The following GSG1L variants were observed in gnomAD, a reference collection of about 807,000 sequenced individuals.
The protein encoded by GSG1L is germ cell-specific gene 1-like protein.
A neutral mutation model predicts 42.1 loss-of-function variants in GSG1L; 24 were observed. The observed-to-expected ratio is 0.57, with a 90% CI of 0.41 to 0.80. The LOEUF is 0.80. GSG1L is among the 30% of genes least tolerant of loss of function. The pLI, the probability that GSG1L is intolerant of heterozygous loss-of-function variation, is 0.00. For missense variants in GSG1L, 445 were observed against 472.2 expected, an observed-to-expected ratio of 0.94 and a Z score of 0.53; for synonymous variants, 215 against 203.5, an observed-to-expected ratio of 1.06 and a Z score of -0.48.
chr16:28,050,004 G>T (rs2086204907), intron 1 of GSG1L, among the ~76,000 whole-genome samples: 1 of 152,082 alleles, frequency 6.6e-6, no homozygotes, highest in South Asian at 2.1e-4. Flanking sequence ...GCTCCTTGAG[G>T]GCAGGAACCT....
Position 27,887,425 on chromosome 16 carries a change from C to G in GSG1L, c.398-2787G>C, listed in dbSNP as rs189776579. Among the ~76,000 whole-genome samples the G allele has an allele frequency of 2.9e-4, 44 of 152,338 alleles. 1 individual carries two copies. Among genetic ancestry groups the G allele is most frequent in the African/African-American group, 9.9e-4 (41 of 41,576 alleles). On this transcript the variant is annotated intron_variant, in intron 2 of 6. Transcript: ENST00000447459. ...GATGACATTGTTTGAGCCCCTAGAT[C>G]CAGCCATGCCTGAGGCTGCCGGTCC...
At chr16:27,794,523 G>A (rs8063136) in intron 6 of GSG1L, among the ~76,000 whole-genome samples, 19,277 of 151,914 alleles carry the variant, frequency 0.13, 1,632 homozygotes, top group Non-Finnish European at 0.19. Flanking sequence ...AGTAGAGACA[G>A]GGTTTCACCG....
intron 1 of GSG1L, among the ~76,000 whole-genome samples, chr16:27,977,433 G>A (rs761336547): frequency 7.2e-5 from 11 of 151,936 alleles, no homozygotes; most frequent in African/African-American, 2.4e-4. Flanking sequence ...ATAGCTGGGC[G>A]TGGCAGTGTG....
intron 2 of GSG1L, among the ~76,000 whole-genome samples, chr16:27,923,798 G>C (rs2084559344): frequency 6.6e-6 from 1 of 151,820 alleles, no homozygotes; most frequent in African/African-American, 2.4e-5. Context: ...AAGACAGAGA[G>C]AGAGAGAGAA....
chr16:27,878,186 G>A (rs2083910245), intron 3 of GSG1L, among the ~76,000 whole-genome samples: 2 of 152,076 alleles, frequency 1.3e-5, no homozygotes, highest in South Asian at 4.2e-4. Flanking sequence ...GGCCTCCTGA[G>A]TAGCTGTGTA....
At chr16:27,926,318 GGTCCCTGCC>G (rs1567521430) in intron 2 of GSG1L, among the ~76,000 whole-genome samples, 1 of 152,132 alleles carries the variant, frequency 6.6e-6, no homozygotes, top group Non-Finnish European at 1.5e-5. Flanking sequence ...AAGTAGTCCT[GGTCCCTGCC>G]GTTGCAAAAC....
At chr16:27,898,700 C>T (rs943373426) in intron 2 of GSG1L, among the ~76,000 whole-genome samples, 2 of 150,916 alleles carry the variant, frequency 1.3e-5, no homozygotes, top group Non-Finnish European at 3.0e-5. Flanking sequence ...CTCTCTCTGT[C>T]TCTCTCTCTC....
chr16:28,021,105 G>C (rs2085837198), intron 1 of GSG1L, among the ~76,000 whole-genome samples: 1 of 152,196 alleles, frequency 6.6e-6, no homozygotes, highest in African/African-American at 2.4e-5. Context: ...AGAGATACCG[G>C]AGACTGGGTA....
chr16:27,877,132 G>C (rs1252979115), intron 3 of GSG1L, among the ~76,000 whole-genome samples: 1 of 152,166 alleles, frequency 6.6e-6, no homozygotes, highest in Non-Finnish European at 1.5e-5. Flanking sequence ...TGACCACTGG[G>C]GAGCAAGAGG....
At chr16:27,792,060 C>T (rs895692684) in intron 6 of GSG1L, among the ~76,000 whole-genome samples, 50 of 152,176 alleles carry the variant, frequency 3.3e-4, no homozygotes, top group African/African-American at 1.2e-3. Flanking sequence ...CCTTCCACCA[C>T]CCACCCCTCA....
chr16:27,958,266 A>G lies in GSG1L; in HGVS notation c.397+4890T>C, dbSNP rs529076337. ...CTAAAAATACAAAAATTAGCCAGCT[A>G]TGGTGGTAGGTGCCTGTAATCCCAG... On this transcript the variant is annotated intron_variant, in intron 2 of 6. Transcript: ENST00000447459. Among the ~76,000 whole-genome samples, 18 of 152,012 alleles carry G rather than the reference A, an allele frequency of 1.2e-4. No homozygotes were observed. In the South Asian group the frequency reaches 3.1e-3, roughly 26 times the overall value.
At chr16:28,001,032 T>G (rs548266599) in intron 1 of GSG1L, among the ~76,000 whole-genome samples, 55 of 152,306 alleles carry the variant, frequency 3.6e-4, no homozygotes, top group Non-Finnish European at 6.9e-4. Flanking sequence ...AGTGGATTGC[T>G]CAGGCTTTCT....
chr16:27,792,896 G>A (rs941201850), intron 6 of GSG1L, among the ~76,000 whole-genome samples: 2 of 152,176 alleles, frequency 1.3e-5, no homozygotes, highest in Non-Finnish European at 1.5e-5. Flanking sequence ...TACAGATGAG[G>A]GAGCCGAGGC....
chr16:27,926,020 C>T (rs74616777), intron 2 of GSG1L, among the ~76,000 whole-genome samples: 3,203 of 152,288 alleles, frequency 0.021, 106 homozygotes, highest in African/African-American at 0.073. Flanking sequence ...GGGAAGCGTG[C>T]TCTGTGAAAG....
chr16:27,969,589 G>A (rs929197145), intron 1 of GSG1L, among the ~76,000 whole-genome samples: 1 of 151,970 alleles, frequency 6.6e-6, no homozygotes, highest in African/African-American at 2.4e-5. Flanking sequence ...TACATGATGT[G>A]GATATACCAC....
intron 5 of GSG1L, among the ~76,000 whole-genome samples, chr16:27,826,169 G>A (rs1476763270): frequency 1.3e-5 from 2 of 152,306 alleles, no homozygotes; most frequent in Non-Finnish European, 2.9e-5. Context: ...CCAAGGTGGG[G>A]ACGCACTTGG....
At chr16:27,905,109 A>G (rs764257942) in intron 2 of GSG1L, among the ~76,000 whole-genome samples, 10 of 152,334 alleles carry the variant, frequency 6.6e-5, no homozygotes, top group Admixed American at 4.6e-4. Flanking sequence ...CAGAAACCCA[A>G]TCATGATTGA....
intron 2 of GSG1L, among the ~76,000 whole-genome samples, chr16:27,892,702 A>G (rs930651500): frequency 6.6e-5 from 10 of 151,326 alleles, no homozygotes; most frequent in African/African-American, 1.2e-4. Context: ...AGGCAGGAGA[A>G]TTCCTTGAAC....
intron 2 of GSG1L, among the ~76,000 whole-genome samples, chr16:27,954,163 A>G (rs940166576): frequency 1.3e-5 from 2 of 152,172 alleles, no homozygotes; most frequent in African/African-American, 4.8e-5. Flanking sequence ...CAAACCTGGG[A>G]TTGAACATGG....
Sources: gnomAD v4.1 joint callset for allele counts (sites outside exome capture counted in the v4.1 genomes callset) on GRCh38, gnomAD v4.1.1 for gene constraint, MANE v1.5 for transcripts, NCBI Gene and HGNC (gene_info 2026-07-23, HGNC 2026-07-21) for gene names.